The following HMGA2 variants were observed in gnomAD, a reference collection of about 807,000 sequenced individuals.
The protein encoded by HMGA2 is high mobility group AT-hook 2.
Under a neutral mutation model 19.1 loss-of-function variants are expected in HMGA2, and 8 were observed. The observed-to-expected ratio is 0.42, with a 90% CI of 0.25 to 0.76. HMGA2 has a LOEUF of 0.76. HMGA2 is among the 30% of genes least tolerant of loss of function. HMGA2 has a pLI of 0.28. For missense variants in HMGA2, 109 were observed against 136.3 expected (o/e 0.80, Z 1.00); for synonymous variants, 60 against 48.8 (o/e 1.23, Z -0.96).
chr12:65,880,196 G>C (rs554390291), intron 3 of HMGA2, among the ~76,000 whole-genome samples: 1 of 152,136 alleles, frequency 6.6e-6, no homozygotes, highest in Non-Finnish European at 1.5e-5. Context: ...ATTTTTCACG[G>C]GGAAAATCCT....
At chr12:65,953,412 G>A (rs1390902803) in intron 4 of HMGA2, 3 of 152,140 alleles carry the variant, frequency 2.0e-5, no homozygotes, top group Non-Finnish European at 2.9e-5. Flanking sequence ...TTGAGTTGCA[G>A]AAGGGAAAAC....
intron 3 of HMGA2, among the ~76,000 whole-genome samples, chr12:65,940,032 T>A (rs1287446626): frequency 1.3e-5 from 2 of 152,204 alleles, no homozygotes; most frequent in African/African-American, 4.8e-5. Flanking sequence ...GCCTGTATAT[T>A]TTCTATATCA....
intron 3 of HMGA2, among the ~76,000 whole-genome samples, chr12:65,846,588 G>A (rs1414715880): frequency 6.6e-6 from 1 of 152,246 alleles, no homozygotes; most frequent in African/African-American, 2.4e-5. Context: ...GGAACAGCAT[G>A]TACAGGACAG....
At position 65,897,147 on chromosome 12, in the gene HMGA2, T is replaced by C. The variant is rs561873513; in HGVS notation, c.250-54236T>C. On this transcript the variant is annotated intron_variant, in intron 3 of 4. Coordinates refer to ENST00000403681, the MANE Select transcript of HMGA2 (RefSeq NM_003483.6). ...ATATTTGTGGTGTATGTGAGAGATTTTGATGCGGGCATACAATGCTTAATA... is the reference window on the plus strand; with the variant it reads ...ATATTTGTGGTGTATGTGAGAGATTCTGATGCGGGCATACAATGCTTAATA... 2.4e-3 allele frequency among the ~76,000 whole-genome samples: 364 copies of C among 152,318 alleles called. 3 individuals are homozygous for C. Among genetic ancestry groups the C allele is most frequent in the African/African-American group, 8.3e-3 (343 of 41,568 alleles).
intron 3 of HMGA2, among the ~76,000 whole-genome samples, chr12:65,929,431 A>G (rs1875629464): frequency 6.6e-6 from 1 of 151,762 alleles, no homozygotes; most frequent in Non-Finnish European, 1.5e-5. Flanking sequence ...TGATATGTCT[A>G]AAGAGACCTA....
At chr12:65,914,833 C>A in intron 3 of HMGA2, 1 of 447,174 alleles carries the variant, frequency 2.2e-6, no homozygotes, top group Non-Finnish European at 4.2e-6. Flanking sequence ...CACCACCACA[C>A]CCAGCTAATT....
chr12:65,878,722 G>T (rs991418458), intron 3 of HMGA2, among the ~76,000 whole-genome samples: 1 of 152,160 alleles, frequency 6.6e-6, no homozygotes, highest in Non-Finnish European at 1.5e-5. Context: ...ACTGCTCTCT[G>T]CTGGAGAAGC....
chr12:65,887,712 T>G (rs775264966), intron 3 of HMGA2, among the ~76,000 whole-genome samples: 28 of 151,656 alleles, frequency 1.8e-4, no homozygotes, highest in Non-Finnish European at 3.5e-4. Flanking sequence ...AGAAAAAAAA[T>G]TTACAGTTAG....
chr12:65,877,790 G>T (rs1192408423), intron 3 of HMGA2, among the ~76,000 whole-genome samples: 4 of 150,536 alleles, frequency 2.7e-5, no homozygotes, highest in Non-Finnish European at 4.4e-5. Flanking sequence ...TTTTTTTTAG[G>T]CCTCTTCCCT....
At chr12:65,849,722 A>G (rs2612060) in intron 3 of HMGA2, among the ~76,000 whole-genome samples, 10,004 of 142,664 alleles carry the variant, frequency 0.07, 400 homozygotes, top group South Asian at 0.14. Context: ...AACCAAGACA[A>G]TGGTAGGCTC....
In HMGA2 at chr12:65,963,241, C is replaced by T. The variant is rs1359520133; in HGVS notation, c.283-4C>T. The T allele has an allele frequency of 1.2e-6, 2 of 1,613,354 alleles. No homozygotes were observed. The highest frequency in any genetic ancestry group is 1.3e-5 in the African/African-American group (1 of 74,802). ...GTCATGGCTGTGCCCTTTGTGTGTT[C>T]CAGGAGGAAACTGAAGAGACATCCT... On this transcript the variant is annotated splice_region_variant and splice_polypyrimidine_tract_variant and intron_variant, in intron 4 of 4. Coordinates refer to ENST00000403681, the MANE Select transcript of HMGA2 (RefSeq NM_003483.6).
chr12:65,952,214 C>A, intron 4 of HMGA2: 1 of 608,574 alleles, frequency 1.6e-6, no homozygotes, highest in East Asian at 2.8e-5. Flanking sequence ...CAGGTGGTAT[C>A]ATGCTGAACC....
intron 3 of HMGA2, among the ~76,000 whole-genome samples, chr12:65,844,738 T>C (rs1592381190): frequency 6.6e-6 from 1 of 152,212 alleles, no homozygotes; most frequent in Non-Finnish European, 1.5e-5. Flanking sequence ...CCTAACCATT[T>C]AGGATTATAA....
intron 3 of HMGA2, among the ~76,000 whole-genome samples, chr12:65,926,768 C>A (rs1160633247): frequency 6.6e-6 from 1 of 152,192 alleles, no homozygotes; most frequent in Non-Finnish European, 1.5e-5. Flanking sequence ...CTCTGAAGCA[C>A]CCTCATTGTC....
At chr12:65,958,583 G>T (rs1876665378) in intron 4 of HMGA2, 2 of 152,278 alleles carry the variant, frequency 1.3e-5, no homozygotes, top group East Asian at 1.9e-4. Flanking sequence ...ACTGGTTCCT[G>T]GTCATTGCTG....
intron 3 of HMGA2, among the ~76,000 whole-genome samples, chr12:65,923,904 G>A (rs1875411791): frequency 6.6e-6 from 1 of 152,086 alleles, no homozygotes; most frequent in Non-Finnish European, 1.5e-5. Context: ...CAGCTACTCG[G>A]GGGCTGAGGT....
At chr12:65,866,978 A>G (rs1872455014) in intron 3 of HMGA2, 1 of 456,382 alleles carries the variant, frequency 2.2e-6, no homozygotes, top group Non-Finnish European at 4.4e-6. Context: ...AGATTGAGAG[A>G]TTGAAGGGGG....
intron 3 of HMGA2, among the ~76,000 whole-genome samples, chr12:65,840,979 A>G (rs577828306): frequency 2.6e-5 from 4 of 152,172 alleles, no homozygotes; most frequent in African/African-American, 7.2e-5. Context: ...GTCTTCTCCG[A>G]ACCTTCCTAT....
intron 3 of HMGA2, chr12:65,842,765 G>A: frequency 7.3e-7 from 1 of 1,368,584 alleles, no homozygotes; most frequent in South Asian, 2.0e-5. Flanking sequence ...CCTGCCAATT[G>A]AAATTTGGCA....
Sources: allele counts gnomAD v4.1 joint callset (sites outside exome capture counted in the v4.1 genomes callset), GRCh38; gene constraint gnomAD v4.1.1; transcripts MANE v1.5; gene names NCBI Gene and HGNC (gene_info 2026-07-23, HGNC 2026-07-21).